INPP4B: variants seen among roughly 807,000 people sequenced by gnomAD.
INPP4B encodes the protein inositol polyphosphate-4-phosphatase type II B.
In INPP4B, 55 loss-of-function variants were observed where a neutral mutation model predicts 122.5. The ratio of observed to expected loss-of-function variants is 0.45; its 90% CI spans 0.36 to 0.56. The LOEUF (loss-of-function observed/expected upper bound fraction) is 0.56. Among genes scored for constraint, INPP4B ranks in the 20% least tolerant of loss-of-function variants. INPP4B has a pLI of 0.00. For missense variants in INPP4B, 1,000 were observed against 1,097.7 expected (o/e 0.91, Z 1.26); for synonymous variants, 403 against 388.7 (o/e 1.04, Z -0.43).
intron 25 of INPP4B, among the ~76,000 whole-genome samples, chr4:142,059,685 C>A (rs1759571168): frequency 6.6e-6 from 1 of 152,102 alleles, no homozygotes; most frequent in Non-Finnish European, 1.5e-5. Flanking sequence ...TTGGAAGAAG[C>A]AACTCATAGT....
At chr4:142,474,251 C>G (rs1209128165) in intron 2 of INPP4B, 1 of 152,218 alleles carries the variant, frequency 6.6e-6, no homozygotes, top group Non-Finnish European at 1.5e-5. Context: ...GTCCGATGAT[C>G]CCTCTTCTGT....
Position 142,720,761 on chromosome 4 carries a change from ATCTCTC to A in INPP4B, c.-191+5072_-191+5077del, listed in dbSNP as rs1175727015. Among the ~76,000 whole-genome samples the A allele has an allele frequency of 6.9e-3, 258 of 37,484 alleles. 6 individuals are homozygous for A. Among genetic ancestry groups the A allele is most frequent in the African/African-American group, 0.01 (99 of 9,818 alleles). 24.6% of individuals were successfully genotyped at this position (37,484 alleles called of 152,430 possible). ...ATATATATATATACATATATATATAATCTCTCTCTCTCTCTCTCTCTCTCTCTCTCT... is the reference window on the plus strand; with the variant it reads ...ATATATATATATACATATATATATAATCTCTCTCTCTCTCTCTCTCTCTCT... On this transcript the variant is annotated intron_variant, in intron 2 of 25. Coordinates refer to ENST00000262992, the MANE Select transcript of INPP4B (RefSeq NM_001101669.3).
chr4:142,525,178 C>G (rs1303926210), intron 2 of INPP4B, among the ~76,000 whole-genome samples: 1 of 148,922 alleles, frequency 6.7e-6, no homozygotes, highest in Non-Finnish European at 1.5e-5. Flanking sequence ...ATCCAACTTA[C>G]AAGGGATGTG....
intron 11 of INPP4B, among the ~76,000 whole-genome samples, chr4:142,240,346 T>C (rs1858751363): frequency 6.6e-6 from 1 of 152,124 alleles, no homozygotes; most frequent in Non-Finnish European, 1.5e-5. Context: ...CTGGCCTTAT[T>C]GTTTCCATTC....
At chr4:142,096,379 C>T (rs775701939) in intron 23 of INPP4B, among the ~76,000 whole-genome samples, 2 of 152,126 alleles carry the variant, frequency 1.3e-5, no homozygotes, top group African/African-American at 2.4e-5. Context: ...ATAACACAGA[C>T]ATTGCAACAT....
chr4:142,732,628 G>C (rs1289213600), intron 1 of INPP4B, among the ~76,000 whole-genome samples: 1 of 151,814 alleles, frequency 6.6e-6, no homozygotes, highest in Non-Finnish European at 1.5e-5. Flanking sequence ...TCTAACAAAA[G>C]ATGTTCGTGA....
At chr4:142,138,358 G>T (rs1357027906) in intron 18 of INPP4B, among the ~76,000 whole-genome samples, 20 of 137,038 alleles carry the variant, frequency 1.5e-4, no homozygotes, top group African/African-American at 4.1e-4. Context: ...GACACAGGAA[G>T]GGGAACATCA....
At position 142,182,537 on chromosome 4, in the gene INPP4B, ACT is replaced by A. The variant is rs1178571718; in HGVS notation, c.1182-8730_1182-8729del. 6.3e-5 allele frequency among the ~76,000 whole-genome samples: 6 copies of A among 95,696 alleles called. No individual in the cohort carries two copies. The East Asian group carries it at 1.6e-3, about 25-fold the overall frequency. 62.8% of individuals were successfully genotyped at this position (95,696 alleles called of 152,430 possible). On this transcript the variant is annotated intron_variant, in intron 15 of 25. Transcript: ENST00000262992. ...CACTCCAGCCTGGTGACAGAGCGAG[ACT>A]CTGTCTCAAAAAAAAAAAAACAAAC... is the stretch of plus-strand genomic sequence containing the variant.
At chr4:142,153,382 T>C (rs1375240299) in intron 17 of INPP4B, among the ~76,000 whole-genome samples, 2 of 152,178 alleles carry the variant, frequency 1.3e-5, no homozygotes, top group Non-Finnish European at 2.9e-5. Context: ...AAACTTTCTG[T>C]TTGGGAAACA....
intron 9 of INPP4B, among the ~76,000 whole-genome samples, chr4:142,301,939 A>G (rs939381789): frequency 1.3e-5 from 2 of 152,156 alleles, no homozygotes; most frequent in African/African-American, 4.8e-5. Flanking sequence ...ATTTCCACAG[A>G]GAGAATCAAC....
At chr4:142,727,483 T>C (rs1016005957) in intron 1 of INPP4B, among the ~76,000 whole-genome samples, 3 of 68,370 alleles carry the variant, frequency 4.4e-5, no homozygotes, top group African/African-American at 1.6e-4. Flanking sequence ...TTATTTCAAG[T>C]AATTGGTGAA....
intron 1 of INPP4B, among the ~76,000 whole-genome samples, chr4:142,763,827 A>T (rs1000800846): frequency 6.6e-6 from 1 of 152,108 alleles, no homozygotes; most frequent in African/African-American, 2.4e-5. Flanking sequence ...CTTTGTAAAA[A>T]TTTTTTTAAA....
intron 3 of INPP4B, among the ~76,000 whole-genome samples, chr4:142,436,809 TAA>T (rs35215542): frequency 2.9e-5 from 4 of 138,926 alleles, no homozygotes; most frequent in African/African-American, 8.2e-5. Flanking sequence ...AAAGAATCAA[TAA>T]AAAAAAAAAA....
chr4:142,581,396 A>G (rs1035275158), intron 2 of INPP4B, among the ~76,000 whole-genome samples: 4 of 151,952 alleles, frequency 2.6e-5, no homozygotes, highest in Non-Finnish European at 4.4e-5. Context: ...TGTCAAATTA[A>G]TAGGTTATTG....
intron 4 of INPP4B, among the ~76,000 whole-genome samples, chr4:142,430,087 G>A (rs1271917778): frequency 1.3e-5 from 2 of 152,064 alleles, no homozygotes; most frequent in South Asian, 2.1e-4. Context: ...TTTTGCTGGT[G>A]CATTCATCAG....
At chr4:142,256,827 A>T (rs1208607226) in intron 11 of INPP4B, among the ~76,000 whole-genome samples, 2 of 152,170 alleles carry the variant, frequency 1.3e-5, no homozygotes, top group Non-Finnish European at 2.9e-5. Flanking sequence ...TCAATAGAAA[A>T]AGAGGGAATC....
intron 2 of INPP4B, among the ~76,000 whole-genome samples, chr4:142,692,391 A>T (rs778248434): frequency 2.6e-5 from 4 of 152,268 alleles, no homozygotes; most frequent in African/African-American, 7.2e-5. Flanking sequence ...TACCCTAAAA[A>T]CTTTCTCAGA....
intron 9 of INPP4B, among the ~76,000 whole-genome samples, chr4:142,284,758 G>T (rs1752742961): frequency 6.6e-6 from 1 of 151,924 alleles, no homozygotes; most frequent in Non-Finnish European, 1.5e-5. Flanking sequence ...TATAACTAGG[G>T]GTCGTGTACC....
intron 11 of INPP4B, among the ~76,000 whole-genome samples, chr4:142,244,173 G>A (rs557361169): frequency 1.5e-4 from 22 of 150,942 alleles, no homozygotes; most frequent in Middle Eastern, 6.8e-3. Context: ...TTGGTTTTCC[G>A]TCCCTGTGTT....
Sources: gnomAD v4.1 joint callset for allele counts (sites outside exome capture counted in the v4.1 genomes callset) on GRCh38, gnomAD v4.1.1 for gene constraint, MANE v1.5 for transcripts, NCBI Gene and HGNC (gene_info 2026-07-23, HGNC 2026-07-21) for gene names.